The following KATNIP variants were observed in gnomAD, a reference collection of about 807,000 sequenced individuals.
KATNIP encodes katanin interacting protein.
Under a neutral mutation model 174.0 loss-of-function variants are expected in KATNIP, and 126 were observed. The ratio of observed to expected loss-of-function variants is 0.72; its 90% confidence interval spans 0.63 to 0.84. The LOEUF is 0.84. Ranked by LOEUF, KATNIP falls within the 40% of genes least tolerant of loss-of-function variation. The probability of loss-of-function intolerance (pLI) is 0.00; values close to 1 mark genes in which losing one functional copy is unlikely to be tolerated. For synonymous variants in KATNIP, 810 were observed against 835.7 expected, an observed-to-expected ratio of 0.97 and a Z score of 0.53; for missense variants, 1,958 against 2,109.7, an observed-to-expected ratio of 0.93 and a Z score of 1.41.
At chr16:27,716,862 T>C (rs76159450) in intron 13 of KATNIP, among the ~76,000 whole-genome samples, 2 of 151,934 alleles carry the variant, frequency 1.3e-5, no homozygotes, top group Admixed American at 1.3e-4. Flanking sequence ...TTTTTTTTTT[T>C]GAGACGAAGT....
intron 4 of KATNIP, among the ~76,000 whole-genome samples, chr16:27,630,610 G>T (rs2076457057): frequency 6.6e-6 from 1 of 152,168 alleles, no homozygotes; most frequent in African/African-American, 2.4e-5. Context: ...GCTTTTCCTG[G>T]TCCAGGTTTC....
intron 1 of KATNIP, among the ~76,000 whole-genome samples, chr16:27,562,504 C>T (rs2089922447): frequency 6.6e-6 from 1 of 152,174 alleles, no homozygotes; most frequent in Non-Finnish European, 1.5e-5. Context: ...CTACTTCCAA[C>T]GTTTCTCAAG....
intron 2 of KATNIP, among the ~76,000 whole-genome samples, chr16:27,586,499 C>G (rs930150640): frequency 1.3e-5 from 2 of 150,916 alleles, no homozygotes; most frequent in Non-Finnish European, 2.9e-5. Context: ...GTGAACTGTG[C>G]CTTCCTCCCC....
chr16:27,628,603 G>T lies in KATNIP; in HGVS notation c.141-58G>T, dbSNP rs1249974772. On this transcript the variant is annotated intron_variant, in intron 3 of 27. Transcript: ENST00000261588. ...ACAGCAGTTCACTCCTGGCTTGGGG[G>T]TACAGCAGCCCAGACTCTCAAATGA... 1.5e-5 allele frequency: 23 copies of T among 1,569,540 alleles called. No homozygotes were observed. In the East Asian group the frequency reaches 4.7e-4, roughly 32 times the overall value.
intron 3 of KATNIP, among the ~76,000 whole-genome samples, chr16:27,622,776 TTGTC>T (rs1567505398): frequency 6.6e-6 from 1 of 152,176 alleles, no homozygotes; most frequent in Non-Finnish European, 1.5e-5. Context: ...ACCTGGACCT[TTGTC>T]TGAGCCAGCG....
intron 2 of KATNIP, among the ~76,000 whole-genome samples, chr16:27,582,942 C>T (rs940849423): frequency 6.6e-6 from 1 of 152,072 alleles, no homozygotes; most frequent in Non-Finnish European, 1.5e-5. Context: ...ACAGATTGGG[C>T]CCCTTTGGTA....
At chr16:27,583,959 G>T (rs1380529679) in intron 2 of KATNIP, among the ~76,000 whole-genome samples, 2 of 152,000 alleles carry the variant, frequency 1.3e-5, no homozygotes, top group African/African-American at 4.8e-5. Flanking sequence ...ATGGCATGGT[G>T]GGGGAAGCTT....
At chr16:27,775,801 G>A (rs2082475223) in intron 24 of KATNIP, among the ~76,000 whole-genome samples, 1 of 152,218 alleles carries the variant, frequency 6.6e-6, no homozygotes, top group Non-Finnish European at 1.5e-5. Flanking sequence ...CATGCCATGG[G>A]ACTGAGTGGG....
At chr16:27,750,393 C>G (rs2081461386) in intron 16 of KATNIP, 87 bp downstream of exon 16, 1 of 1,266,102 alleles carries the variant, frequency 7.9e-7, no homozygotes, top group Admixed American at 2.2e-5. Context: ...GCTGGCTAGC[C>G]AACAACAGAT....
intron 12 of KATNIP, among the ~76,000 whole-genome samples, chr16:27,706,670 C>T (rs1414259866): frequency 2.6e-5 from 4 of 152,214 alleles, no homozygotes; most frequent in African/African-American, 9.6e-5. Context: ...CATTTACGAA[C>T]GCAGCTGAGG....
chr16:27,568,507 G>A (rs1052322195), intron 1 of KATNIP, among the ~76,000 whole-genome samples: 2 of 151,840 alleles, frequency 1.3e-5, no homozygotes, highest in African/African-American at 2.4e-5. Context: ...TCGCTCTGTC[G>A]CCAGGCTGGA....
chr16:27,722,731 A>G (rs2080291361), intron 14 of KATNIP, among the ~76,000 whole-genome samples: 2 of 152,208 alleles, frequency 1.3e-5, no homozygotes, highest in East Asian at 3.9e-4. Flanking sequence ...CCCATGCCTC[A>G]GGGAAAAGGA....
At chr16:27,684,954 A>G (rs1306498988) in intron 8 of KATNIP, among the ~76,000 whole-genome samples, 9 of 152,224 alleles carry the variant, frequency 5.9e-5, no homozygotes, top group African/African-American at 2.2e-4. Flanking sequence ...AGGGGACACA[A>G]TTCAACCCAT....
At chr16:27,575,759 A>G (rs756950) in intron 2 of KATNIP, among the ~76,000 whole-genome samples, 128,471 of 152,136 alleles carry the variant, frequency 0.84, 54,354 homozygotes, top group East Asian at 1. Flanking sequence ...GCCAGTTTGC[A>G]TTTTCTTTTT....
chr16:27,648,850 CTG>C, intron 6 of KATNIP, 115 bp downstream of exon 6: 3 of 1,204,088 alleles, frequency 2.5e-6, no homozygotes, highest in Non-Finnish European at 3.5e-6. Flanking sequence ...TCACTCGCCG[CTG>C]TGTTCCTTCA....
rs926750540 is a variant in KATNIP at position 27,750,207 on chromosome 16, A to T, written c.3247A>T (p.Ile1083Leu). 1.2e-6 allele frequency: 2 copies of T among 1,613,928 alleles called. No homozygotes were observed. Among genetic ancestry groups the T allele is most frequent in the African/African-American group, 2.7e-5 (2 of 74,862 alleles). ...AATTTGGAACTACAATAAATCTCGG[A>T]TACATTCCTTCCGAGGCGTGAAGGA... ...IRIWNYNKSR[I>L]HSFRGVKDIT... Residue 1083 changes from isoleucine to leucine, a missense_variant, in exon 16 of 28, where the codon ATA (isoleucine) becomes TTA (leucine). Coordinates refer to ENST00000261588, the MANE Select transcript of KATNIP (RefSeq NM_015202.5).
At position 27,734,743 on chromosome 16, in the gene KATNIP, C is replaced by T. The variant is rs1245473050; in HGVS notation, c.1744-5298C>T. On this transcript the variant is annotated intron_variant, in intron 14 of 27. Coordinates refer to ENST00000261588, the MANE Select transcript of KATNIP (RefSeq NM_015202.5). ...AAAGGGTAGGGGCTCAGAGCTCCACCGGTACAGGTGCTCCTAACAGTGGCT... is the reference window on the plus strand; with the variant it reads ...AAAGGGTAGGGGCTCAGAGCTCCACTGGTACAGGTGCTCCTAACAGTGGCT... Among the ~76,000 whole-genome samples, 6 of 152,196 alleles carry T rather than the reference C, an allele frequency of 3.9e-5. No individual in the cohort carries two copies. In the East Asian group the frequency reaches 7.8e-4, roughly 20 times the overall value.
At chr16:27,713,807 T>TATAC (rs1567336731) in intron 13 of KATNIP, among the ~76,000 whole-genome samples, 2 of 47,142 alleles carry the variant, frequency 4.2e-5, no homozygotes, top group South Asian at 7.2e-4. Flanking sequence ...TGTGTGTATA[T>TATAC]ACATATATAT....
chr16:27,761,683 A>C, intron 19 of KATNIP, 93 bp downstream of exon 19: 2 of 1,156,884 alleles, frequency 1.7e-6, no homozygotes, highest in Non-Finnish European at 2.6e-6. Context: ...ATCAAATAGA[A>C]TCGCATATGT....
Sources: allele counts gnomAD v4.1 joint callset (sites outside exome capture counted in the v4.1 genomes callset), GRCh38; gene constraint gnomAD v4.1.1; transcripts MANE v1.5; gene names NCBI Gene and HGNC (gene_info 2026-07-23, HGNC 2026-07-21).